Variants in FBXO25 observed in about 807,000 individuals in gnomAD.
FBXO25 encodes F-box protein 25, also known as F-box only protein 25.
FBXO25 carries 45 observed loss-of-function variants against 51.9 expected under a neutral mutation model. The ratio of observed to expected loss-of-function variants is 0.87; its 90% CI spans 0.68 to 1.11. The LOEUF (loss-of-function observed/expected upper bound fraction) is 1.11. Ranked by LOEUF, FBXO25 falls within the 50% of genes most tolerant of loss-of-function variation. The probability of loss-of-function intolerance (pLI) is 0.00; values close to 1 mark genes in which losing one functional copy is unlikely to be tolerated. For synonymous variants in FBXO25, 199 were observed against 151.0 expected, an observed-to-expected ratio of 1.32 and a Z score of -2.33; for missense variants, 507 against 428.5, an observed-to-expected ratio of 1.18 and a Z score of -1.62.
chr8:435,521 G>C, intron 4 of FBXO25, 94 bp from the exon 5 acceptor site: 1 of 1,291,218 alleles, frequency 7.7e-7, no homozygotes, highest in Non-Finnish European at 1.1e-6. Context: ...ATTGTCCTTT[G>C]CCAAAAATTT....
At chr8:434,571 C>T (rs1331062612) in intron 4 of FBXO25, among the ~76,000 whole-genome samples, 1 of 152,156 alleles carries the variant, frequency 6.6e-6, no homozygotes, top group South Asian at 2.1e-4. Flanking sequence ...CTGAGTGTAT[C>T]GGCTGTCAGA....
intron 2 of FBXO25, among the ~76,000 whole-genome samples, chr8:418,834 C>T (rs980774482): frequency 4.6e-5 from 7 of 152,032 alleles, no homozygotes; most frequent in African/African-American, 1.2e-4. Context: ...ACTGGATAAA[C>T]GTGCAAGGAA....
At chr8:415,434 C>T (rs1161955353) in intron 2 of FBXO25, among the ~76,000 whole-genome samples, 2 of 152,190 alleles carry the variant, frequency 1.3e-5, no homozygotes, top group African/African-American at 2.4e-5. Context: ...GAGGTTTAAA[C>T]ATAGTTTGAT....
At chr8:418,457 A>C (rs1371171176) in intron 2 of FBXO25, among the ~76,000 whole-genome samples, 1 of 145,758 alleles carries the variant, frequency 6.9e-6, no homozygotes, top group Admixed American at 7.2e-5. Context: ...CTCCTGCCTC[A>C]GCCTCCTGAG....
chr8:450,205 T>C (rs1259985546), intron 6 of FBXO25, 122 bp downstream of exon 6: 15 of 557,348 alleles, frequency 2.7e-5, no homozygotes, highest in Admixed American at 7.5e-5. Context: ...GTGTAAATAA[T>C]GTGATAACAT....
At chr8:443,700 G>A (rs1018637398) in intron 5 of FBXO25, among the ~76,000 whole-genome samples, 1 of 151,502 alleles carries the variant, frequency 6.6e-6, no homozygotes, top group African/African-American at 2.4e-5. Context: ...CCTCGGGGCA[G>A]CGGTGGGCGG....
intron 5 of FBXO25, 53 bp from the exon 6 acceptor site, chr8:449,936 TA>T (rs1327065090): frequency 8.0e-7 from 1 of 1,245,960 alleles, no homozygotes; most frequent in Non-Finnish European, 1.2e-6. Context: ...CTGTGGTTTG[TA>T]ATTCCATATT....
At chr8:440,010 A>T (rs1281583114) in intron 5 of FBXO25, among the ~76,000 whole-genome samples, 1 of 152,214 alleles carries the variant, frequency 6.6e-6, no homozygotes, top group Non-Finnish European at 1.5e-5. Context: ...ACTACTCCAT[A>T]GTAGCAACTT....
At chr8:414,173 A>G (rs918657738) in intron 2 of FBXO25, among the ~76,000 whole-genome samples, 18 of 152,368 alleles carry the variant, frequency 1.2e-4, no homozygotes, top group Middle Eastern at 6.8e-3. Flanking sequence ...TGAGGATAAC[A>G]CATAATATTT....
intron 5 of FBXO25, among the ~76,000 whole-genome samples, chr8:438,104 G>C (rs1249633217): frequency 1.6e-4 from 24 of 151,554 alleles, no homozygotes; most frequent in African/African-American, 5.6e-4. Flanking sequence ...GCCCAGGGTG[G>C]AGTGCAGTGG....
intron 2 of FBXO25, among the ~76,000 whole-genome samples, chr8:418,322 G>A (rs112267924): frequency 0.11 from 14,073 of 133,816 alleles, 810 homozygotes; most frequent in South Asian, 0.18. Context: ...TCTTTTGTTC[G>A]TTTGTTTGTT....
chr8:472,600 GT>G lies in FBXO25; in HGVS notation c.*3800del, dbSNP rs1020356190. The G allele has an allele frequency of 2.0e-5, 3 of 150,756 alleles. No individual in the cohort carries two copies. Among genetic ancestry groups the G allele is most frequent in the Non-Finnish European group, 4.4e-5 (3 of 67,914 alleles). 9.3% of individuals were successfully genotyped at this position (150,756 alleles called of 1,614,324 possible). ...GCTTAGAAAGTGTTCCCTCTTCTGT[GT>G]TTTGGAAGTGTTTGTGGTGGTTTCT... On this transcript the variant is annotated 3_prime_UTR_variant, in exon 10 of 10. Coordinates refer to ENST00000350302, the MANE Select transcript of FBXO25 (RefSeq NM_183420.2).
At chr8:456,720 C>G (rs1041891223) in intron 7 of FBXO25, among the ~76,000 whole-genome samples, 1 of 152,206 alleles carries the variant, frequency 6.6e-6, no homozygotes, top group African/African-American at 2.4e-5. Context: ...CCACTCGTGT[C>G]TGGCAGATGC....
At position 473,997 on chromosome 8, in the gene FBXO25, A is replaced by C. The variant is rs940703210; in HGVS notation, c.*5193A>C. 10 of 152,198 alleles carry C rather than the reference A, an allele frequency of 6.6e-5. No individual in the cohort carries two copies. Among genetic ancestry groups the C allele is most frequent in the African/African-American group, 1.9e-4 (8 of 41,438 alleles). The allele number at this position is 152,198 out of a possible 1,614,324, so 9.4% of individuals were successfully genotyped here. The stretch of plus-strand genomic sequence containing the variant: ...TTAAGTGTGCAATTTAGTGGCATTA[A>C]ATACATTCATACTGTGCAACCTTCT... On this transcript the variant is annotated 3_prime_UTR_variant, in exon 10 of 10. Coordinates refer to ENST00000350302, the MANE Select transcript of FBXO25 (RefSeq NM_183420.2).
At chr8:460,258 T>A (rs1799723013) in intron 8 of FBXO25, among the ~76,000 whole-genome samples, 1 of 152,190 alleles carries the variant, frequency 6.6e-6, no homozygotes, top group Admixed American at 6.5e-5. Flanking sequence ...ATTTCTGTGG[T>A]CATTGCCATT....
intron 2 of FBXO25, among the ~76,000 whole-genome samples, chr8:415,397 C>G (rs1796735429): frequency 6.6e-6 from 1 of 152,174 alleles, no homozygotes; most frequent in Non-Finnish European, 1.5e-5. Flanking sequence ...GAAAGCTGCT[C>G]TTTCAAGCAA....
At chr8:415,400 T>C (rs558900919) in intron 2 of FBXO25, among the ~76,000 whole-genome samples, 2 of 152,318 alleles carry the variant, frequency 1.3e-5, no homozygotes, top group African/African-American at 4.8e-5. Flanking sequence ...AGCTGCTCTT[T>C]CAAGCAACAT....
chr8:448,370 TGTC>T (rs947536717), intron 5 of FBXO25, among the ~76,000 whole-genome samples: 1 of 152,192 alleles, frequency 6.6e-6, no homozygotes, highest in African/African-American at 2.4e-5. Context: ...TGAACAAACA[TGTC>T]GTCTCTTACT....
At chr8:468,404 T>A in intron 9 of FBXO25, 1 of 490,564 alleles carries the variant, frequency 2.0e-6, no homozygotes, top group Non-Finnish European at 2.6e-6. Context: ...TGTGGCCTTG[T>A]AGATTCCGGG....
Sources: allele counts gnomAD v4.1 joint callset (sites outside exome capture counted in the v4.1 genomes callset), GRCh38; gene constraint gnomAD v4.1.1; transcripts MANE v1.5; gene names NCBI Gene and HGNC (gene_info 2026-07-23, HGNC 2026-07-21).